Variants in NRG3 observed in about 807,000 individuals in gnomAD.
The protein encoded by NRG3 is pro-neuregulin-3, membrane-bound isoform.
In NRG3, 31 loss-of-function variants were observed where a neutral mutation model predicts 66.9. The ratio of observed to expected loss-of-function variants is 0.46; its 90% CI spans 0.35 to 0.63. NRG3 has a LOEUF of 0.63. Ranked by LOEUF, NRG3 falls within the 20% of genes least tolerant of loss-of-function variation. The pLI is 0.00. For synonymous variants in NRG3, 393 were observed against 359.4 expected, an observed-to-expected ratio of 1.09 and a Z score of -1.06; for missense variants, 910 against 878.9, an observed-to-expected ratio of 1.04 and a Z score of -0.45.
chr10:82,385,968 T>A (rs2085953933), intron 2 of NRG3, among the ~76,000 whole-genome samples: 1 of 151,898 alleles, frequency 6.6e-6, no homozygotes, highest in Admixed American at 6.6e-5. Flanking sequence ...TACAAAAAAA[T>A]AAAACAGATA....
chr10:82,590,916 A>G (rs1224816218), intron 2 of NRG3, among the ~76,000 whole-genome samples: 1 of 152,246 alleles, frequency 6.6e-6, no homozygotes, highest in Non-Finnish European at 1.5e-5. Flanking sequence ...GCTTTAGTTC[A>G]TTAAATTCAG....
At chr10:82,614,873 G>T (rs2048539352) in intron 2 of NRG3, among the ~76,000 whole-genome samples, 2 of 151,934 alleles carry the variant, frequency 1.3e-5, no homozygotes, top group African/African-American at 4.8e-5. Context: ...TAGTAGTTTA[G>T]GTGCATACCT....
intron 1 of NRG3, among the ~76,000 whole-genome samples, chr10:82,270,766 C>T (rs7358197): frequency 0.13 from 19,537 of 152,070 alleles, 3,174 homozygotes; most frequent in African/African-American, 0.38. Context: ...ATATCATGGC[C>T]AGTGAGCAGT....
chr10:82,223,583 G>C (rs1023224243), intron 1 of NRG3, among the ~76,000 whole-genome samples: 8 of 151,466 alleles, frequency 5.3e-5, no homozygotes, highest in African/African-American at 1.9e-4. Context: ...TACTACTAGG[G>C]TTTTTGCTGC....
intron 2 of NRG3, among the ~76,000 whole-genome samples, chr10:82,706,426 C>G (rs2056293184): frequency 6.6e-6 from 1 of 152,132 alleles, no homozygotes; most frequent in South Asian, 2.1e-4. Context: ...ATAATATTTA[C>G]TTCAAATCTT....
At chr10:82,172,999 G>T (rs9664578) in intron 1 of NRG3, among the ~76,000 whole-genome samples, 2,860 of 152,160 alleles carry the variant, frequency 0.019, 96 homozygotes, top group African/African-American at 0.066. Context: ...AAGTGTCTGT[G>T]CAGGAAAATC....
intron 1 of NRG3, among the ~76,000 whole-genome samples, chr10:82,111,499 A>G (rs1396439841): frequency 1.3e-5 from 2 of 152,116 alleles, no homozygotes; most frequent in Non-Finnish European, 2.9e-5. Context: ...CTATGCTGTT[A>G]TCTGAGGCTT....
At chr10:82,446,339 T>A (rs1216884675) in intron 2 of NRG3, among the ~76,000 whole-genome samples, 1 of 152,210 alleles carries the variant, frequency 6.6e-6, no homozygotes, top group African/African-American at 2.4e-5. Context: ...TGCACAGATA[T>A]GTTCATTGCA....
chr10:82,882,451 A>G (rs1297989320), intron 4 of NRG3, among the ~76,000 whole-genome samples: 1 of 152,198 alleles, frequency 6.6e-6, no homozygotes, highest in Non-Finnish European at 1.5e-5. Context: ...TCTGTCCCAC[A>G]TACACCTAAC....
chr10:82,966,872 G>A (rs929993818), intron 6 of NRG3, among the ~76,000 whole-genome samples: 2 of 151,638 alleles, frequency 1.3e-5, no homozygotes, highest in African/African-American at 2.4e-5. Context: ...AGGTCTTTCA[G>A]CTGGCTTATG....
At chr10:82,300,066 CACAA>C (rs1362402275) in intron 1 of NRG3, among the ~76,000 whole-genome samples, 1 of 152,044 alleles carries the variant, frequency 6.6e-6, no homozygotes, top group Non-Finnish European at 1.5e-5. Flanking sequence ...TATATACACA[CACAA>C]AGAATGTCAA....
intron 4 of NRG3, among the ~76,000 whole-genome samples, chr10:82,928,294 T>C (rs1847212924): frequency 6.6e-6 from 1 of 152,214 alleles, no homozygotes; most frequent in Non-Finnish European, 1.5e-5. Context: ...AGGTTGCCTG[T>C]TCACTCTGAT....
At chr10:82,670,727 AAAAACAAAAC>A (rs889680957) in intron 2 of NRG3, among the ~76,000 whole-genome samples, 5 of 152,168 alleles carry the variant, frequency 3.3e-5, no homozygotes, top group Non-Finnish European at 7.3e-5. Context: ...CTTCAAGAAA[AAAAACAAAAC>A]AAAACAAAAC....
intron 3 of NRG3, among the ~76,000 whole-genome samples, chr10:82,814,752 T>G (rs2061634540): frequency 6.6e-6 from 1 of 152,248 alleles, no homozygotes; most frequent in African/African-American, 2.4e-5. Context: ...TAAAAAGCAC[T>G]TTTATAAATA....
At chr10:81,887,474 C>G (rs1050424904) in intron 1 of NRG3, among the ~76,000 whole-genome samples, 1 of 152,094 alleles carries the variant, frequency 6.6e-6, no homozygotes, top group Non-Finnish European at 1.5e-5. Context: ...AAAGAGAACA[C>G]AAAGGCTAAT....
rs1853461160 is a variant in NRG3 at position 82,986,760 on chromosome 10, C to A, written c.*1155C>A. On this transcript the variant is annotated 3_prime_UTR_variant, in exon 9 of 9. Transcript: ENST00000372141. Reference sequence around the variant, plus strand: ...GTGTGTTTATTTTGAATCATGCCTACTTAAATTATTAATACAAGACAATTA... The same window carrying A: ...GTGTGTTTATTTTGAATCATGCCTAATTAAATTATTAATACAAGACAATTA... The A allele has an allele frequency of 6.6e-6, 1 of 152,176 alleles. No homozygotes were observed. Among genetic ancestry groups the A allele is most frequent in the African/African-American group, 2.4e-5 (1 of 41,426 alleles). The allele number at this position is 152,176 out of a possible 1,614,324, so 9.4% of individuals were successfully genotyped here.
chr10:82,094,691 A>G (rs1334012670), intron 1 of NRG3, among the ~76,000 whole-genome samples: 2 of 152,210 alleles, frequency 1.3e-5, no homozygotes. Flanking sequence ...GTGTATGTAT[A>G]TATTCAGCCA....
intron 1 of NRG3, among the ~76,000 whole-genome samples, chr10:82,151,692 C>T (rs1308679367): frequency 7.6e-6 from 1 of 131,834 alleles, no homozygotes; most frequent in African/African-American, 2.5e-5. Context: ...GCAAACTGAG[C>T]CTTGTTTTTT....
chr10:82,201,079 T>TC (rs967775070), intron 1 of NRG3, among the ~76,000 whole-genome samples: 7 of 151,388 alleles, frequency 4.6e-5, no homozygotes, highest in Admixed American at 6.6e-5. Flanking sequence ...CGCCTGTTCT[T>TC]CCAGCTACTT....
Sources: allele counts gnomAD v4.1 joint callset (sites outside exome capture counted in the v4.1 genomes callset), GRCh38; gene constraint gnomAD v4.1.1; transcripts MANE v1.5; gene names NCBI Gene and HGNC (gene_info 2026-07-23, HGNC 2026-07-21).